IMMT: variants seen among roughly 807,000 people sequenced by gnomAD.
IMMT encodes MICOS complex subunit MIC60.
A neutral mutation model predicts 92.7 loss-of-function variants in IMMT; 40 were observed. That is an observed-to-expected ratio of 0.43 (90% CI 0.34 to 0.56). The LOEUF is 0.56. Ranked by LOEUF, IMMT falls within the 20% of genes least tolerant of loss-of-function variation. The pLI is 0.03. For missense variants in IMMT, 831 were observed against 912.1 expected, an observed-to-expected ratio of 0.91 and a Z score of 1.14; for synonymous variants, 322 against 336.1, an observed-to-expected ratio of 0.96 and a Z score of 0.46.
intron 12 of IMMT, among the ~76,000 whole-genome samples, chr2:86,149,123 A>C (rs921679310): frequency 2.6e-5 from 4 of 152,236 alleles, no homozygotes; most frequent in Non-Finnish European, 5.9e-5. Flanking sequence ...CATTTAAAAT[A>C]AACAGGGCAA....
intron 10 of IMMT, among the ~76,000 whole-genome samples, chr2:86,156,108 G>A (rs534341745): frequency 5.3e-4 from 81 of 152,176 alleles, no homozygotes; most frequent in Middle Eastern, 3.4e-3. Context: ...CTTCTGGTCC[G>A]GACAGTTCTC....
intron 1 of IMMT, chr2:86,193,063 A>G (rs981968013): frequency 4.6e-5 from 7 of 153,318 alleles, no homozygotes; most frequent in African/African-American, 1.5e-4. Flanking sequence ...CTCCTAGAGT[A>G]AAGAATGGAC....
intron 1 of IMMT, among the ~76,000 whole-genome samples, chr2:86,188,298 T>C (rs1374671676): frequency 1.3e-5 from 2 of 152,148 alleles, no homozygotes; most frequent in African/African-American, 4.8e-5. Flanking sequence ...TGTCAAAGGA[T>C]GTTGAGCATC....
At chr2:86,174,314 C>A (rs552290104) in intron 3 of IMMT, among the ~76,000 whole-genome samples, 1 of 152,280 alleles carries the variant, frequency 6.6e-6, no homozygotes, top group South Asian at 2.1e-4. Context: ...AAGAGGGCTG[C>A]CAGATATGTG....
rs143168015 is a variant in IMMT, at chr2:86,145,410, G to A, written c.1664-529C>T. Among the ~76,000 whole-genome samples the A allele has an allele frequency of 3.6e-4, 53 of 146,336 alleles. No homozygotes were observed. The East Asian group carries it at 7.9e-3, about 22-fold the overall frequency. ...CTCAGGAGTCTGAGGCAGGAGAATC[G>A]CTTGAACCCAGGAGGCGGAGGCTGC... is the stretch of plus-strand genomic sequence containing the variant. On this transcript the variant is annotated intron_variant, in intron 14 of 14. Transcript: ENST00000410111.
chr2:86,152,085 C>A (rs1190419264), intron 11 of IMMT, among the ~76,000 whole-genome samples: 1 of 152,090 alleles, frequency 6.6e-6, no homozygotes, highest in Non-Finnish European at 1.5e-5. Flanking sequence ...TAGGCTTAAA[C>A]CAATGTTTGT....
At chr2:86,184,789 T>C (rs1325372809) in intron 1 of IMMT, among the ~76,000 whole-genome samples, 1 of 151,850 alleles carries the variant, frequency 6.6e-6, no homozygotes, top group Non-Finnish European at 1.5e-5. Context: ...TCTTGTTATG[T>C]AGTGACAGAA....
At chr2:86,168,448 C>A (rs1470500090) in intron 6 of IMMT, among the ~76,000 whole-genome samples, 2 of 152,056 alleles carry the variant, frequency 1.3e-5, no homozygotes, top group Non-Finnish European at 2.9e-5. Flanking sequence ...CATTGTGAAA[C>A]CCCGTCTCTA....
chr2:86,150,452 CA>C (rs1263205197), intron 12 of IMMT, among the ~76,000 whole-genome samples: 10 of 152,090 alleles, frequency 6.6e-5, no homozygotes, highest in Non-Finnish European at 1.0e-4. Flanking sequence ...AGTATGGTGT[CA>C]GGGAGCCTAG....
chr2:86,162,338 G>GTTTTTTTTTTTTTTTTTTTTTTTT (rs1346343442), intron 7 of IMMT, among the ~76,000 whole-genome samples: 2 of 113,722 alleles, frequency 1.8e-5, no homozygotes, highest in African/African-American at 6.8e-5. Context: ...TCTAAGGAGA[G>GTTTTTTTTTTTTTTTTTTTTTTTT]TTGTTTTTTT....
intron 7 of IMMT, among the ~76,000 whole-genome samples, chr2:86,163,674 T>C (rs530375786): frequency 6.6e-6 from 1 of 152,144 alleles, no homozygotes; most frequent in African/African-American, 2.4e-5. Context: ...ATGTATCGCT[T>C]TTTAAATGTT....
intron 13 of IMMT, among the ~76,000 whole-genome samples, chr2:86,147,332 C>T (rs1675097775): frequency 6.6e-6 from 1 of 152,150 alleles, no homozygotes; most frequent in South Asian, 2.1e-4. Flanking sequence ...ACTATGATTA[C>T]AGGCATCCTG....
rs367664790 is a variant in IMMT, at chr2:86,166,542, G to A, written c.758C>T (p.Ser253Phe). Reference protein sequence around the residue: ...NAAVQAVNAHSNILKAAMDNS... With the variant: ...NAAVQAVNAHFNILKAAMDNS... ...GTCCATGGCGGCTTTCAATATGTTG[G>A]AGTGTGCATTGACAGCCTGGACCGC... Residue 253 changes from serine to phenylalanine, a missense_variant, in exon 7 of 15, where the codon TCC becomes TTC. Coordinates refer to ENST00000410111, the MANE Select transcript of IMMT (RefSeq NM_006839.3). The A allele has an allele frequency of 7.4e-6, 12 of 1,612,788 alleles. No individual in the cohort carries two copies. The highest frequency in any genetic ancestry group is 9.3e-6 in the Non-Finnish European group (11 of 1,179,710).
intron 1 of IMMT, among the ~76,000 whole-genome samples, chr2:86,188,955 G>A (rs1396941659): frequency 6.6e-6 from 1 of 151,952 alleles, no homozygotes; most frequent in African/African-American, 2.4e-5. Context: ...TGTGCTTTTG[G>A]TGTTATAGTT....
intron 12 of IMMT, among the ~76,000 whole-genome samples, chr2:86,150,245 G>A (rs765322214): frequency 2.0e-5 from 3 of 152,188 alleles, no homozygotes; most frequent in African/African-American, 4.8e-5. Flanking sequence ...CCAAGGCAGA[G>A]GTCAGAGCTG....
intron 6 of IMMT, among the ~76,000 whole-genome samples, chr2:86,170,396 G>C (rs1210448387): frequency 1.3e-5 from 2 of 152,208 alleles, no homozygotes; most frequent in Non-Finnish European, 2.9e-5. Context: ...TCCAGTCTGG[G>C]TGACAGAAAA....
chr2:86,171,083 C>G, intron 5 of IMMT, 125 bp downstream of exon 5: 1 of 910,822 alleles, frequency 1.1e-6, no homozygotes, highest in African/African-American at 1.7e-5. Flanking sequence ...TAAAAATTTC[C>G]TAAGAAACTC....
rs1413954406 is a variant in IMMT at position 86,151,459 on chromosome 2, A to G, written c.1239T>C (p.Asp413=). The G allele has an allele frequency of 6.2e-7, 1 of 1,614,010 alleles. No individual in the cohort carries two copies. The highest frequency in any genetic ancestry group is 1.7e-5 in the Admixed American group (1 of 60,012). ...SLIAHAHRRI[D]QLNRELAEQK... ...GTTCTGCCAGCTCTCTGTTCAGCTG[A>G]TCAATACGACGATGTGCATGAGCAA... The change falls in exon 12 of 15, where the codon GAT becomes GAC. Residue 413 remains aspartate, a synonymous_variant. Coordinates refer to ENST00000410111, the MANE Select transcript of IMMT (RefSeq NM_006839.3).
chr2:86,148,542 G>A (rs1042148832), intron 12 of IMMT, among the ~76,000 whole-genome samples: 1 of 152,174 alleles, frequency 6.6e-6, no homozygotes. Context: ...AACCGAGGAG[G>A]CAGAGCTTGC....
Sources: gnomAD v4.1 joint callset for allele counts (sites outside exome capture counted in the v4.1 genomes callset) on GRCh38, gnomAD v4.1.1 for gene constraint, MANE v1.5 for transcripts, NCBI Gene and HGNC (gene_info 2026-07-23, HGNC 2026-07-21) for gene names.